Variants in PCDHA2 observed in about 807,000 individuals in gnomAD.
The protein encoded by PCDHA2 is protocadherin alpha 2, also known as protocadherin alpha-2.
In PCDHA2, 58 loss-of-function variants were observed where a neutral mutation model predicts 66.0. That is an observed-to-expected ratio of 0.88 (90% confidence interval 0.71 to 1.09). The LOEUF (loss-of-function observed/expected upper bound fraction) is 1.09. Among genes scored for constraint, PCDHA2 ranks in the 50% least tolerant of loss-of-function variants. The pLI, the probability that PCDHA2 is intolerant of heterozygous loss-of-function variation, is 0.00. For missense variants in PCDHA2, 1,267 were observed against 1,242.3 expected, an observed-to-expected ratio of 1.02 and a Z score of -0.30; for synonymous variants, 634 against 554.0, an observed-to-expected ratio of 1.14 and a Z score of -2.03.
rs1762175672 is a variant in PCDHA2 at position 140,797,041 on chromosome 5, C to G, written c.2077C>G (p.Leu693Val). 6.2e-7 allele frequency: 1 copy of G among 1,613,740 alleles called. No homozygotes were observed. The highest frequency in any genetic ancestry group is 1.3e-5 in the African/African-American group (1 of 75,056). Residue 693 changes from leucine to valine, a missense_variant, in exon 1 of 4, where the codon CTG (leucine) becomes GTG (valine). By Grantham distance (32) the Leu-to-Val change is conservative. Transcript: ENST00000526136. ...GGGCGCCGCGGGCTCAGAGGCTACGCTGGTGGATGTCAACGTGTACCTGAT... is the reference window on the plus strand; with the variant it reads ...GGGCGCCGCGGGCTCAGAGGCTACGGTGGTGGATGTCAACGTGTACCTGAT... ...WVGAAGSEAT[L>V]VDVNVYLIIA... is the part of the protein sequence containing the mutation.
At chr5:140,808,028 T>C in intron 1 of PCDHA2, 1 of 1,614,030 alleles carries the variant, frequency 6.2e-7, no homozygotes, top group East Asian at 2.2e-5. Flanking sequence ...TGTTTATTCA[T>C]TCTCAAATGA....
At chr5:140,863,771 G>A (rs557463364) in intron 1 of PCDHA2, 111 of 240,518 alleles carry the variant, frequency 4.6e-4, no homozygotes, top group Non-Finnish European at 7.8e-4. Context: ...AGCCGAGGCG[G>A]GCGGATCACT....
At chr5:140,962,207 A>G (rs1364251526) in intron 1 of PCDHA2, among the ~76,000 whole-genome samples, 13 of 152,236 alleles carry the variant, frequency 8.5e-5, no homozygotes, top group Admixed American at 3.3e-4. Flanking sequence ...CTATCTCCTT[A>G]TTGATCTTGA....
At chr5:140,842,230 G>A in intron 1 of PCDHA2, 1 of 1,612,910 alleles carries the variant, frequency 6.2e-7, no homozygotes, top group Non-Finnish European at 8.5e-7. Context: ...GAGAAATAGT[G>A]ATTCGGGGTA....
intron 1 of PCDHA2, among the ~76,000 whole-genome samples, chr5:140,978,596 C>T (rs2096811689): frequency 6.6e-6 from 1 of 152,204 alleles, no homozygotes; most frequent in African/African-American, 2.4e-5. Context: ...CTTAATGGGG[C>T]ACTTGAGGGC....
chr5:140,921,129 C>T (rs998046424), intron 1 of PCDHA2, among the ~76,000 whole-genome samples: 1 of 139,232 alleles, frequency 7.2e-6, no homozygotes, highest in South Asian at 2.4e-4. Context: ...TACAGGTGCA[C>T]ACCACTACAC....
intron 1 of PCDHA2, chr5:140,862,517 T>C (rs962060354): frequency 3.9e-5 from 16 of 410,600 alleles, no homozygotes; most frequent in African/African-American, 2.9e-4. Flanking sequence ...GCTTTCATTG[T>C]TGGCCACAGC....
At chr5:140,972,917 C>T (rs1279060017) in intron 1 of PCDHA2, among the ~76,000 whole-genome samples, 1 of 152,074 alleles carries the variant, frequency 6.6e-6, no homozygotes, top group Non-Finnish European at 1.5e-5. Context: ...CCGCCTTGGC[C>T]TCCCAAAGTG....
chr5:140,842,707 G>A, intron 1 of PCDHA2: 1 of 1,595,290 alleles, frequency 6.3e-7, no homozygotes, highest in Non-Finnish European at 8.6e-7. Context: ...AGTACACGGT[G>A]TTCGTGAAGG....
chr5:140,933,050 C>T (rs2088825990), intron 1 of PCDHA2, among the ~76,000 whole-genome samples: 1 of 152,018 alleles, frequency 6.6e-6, no homozygotes, highest in Admixed American at 6.5e-5. Context: ...GGATTACAGT[C>T]CAGGATCCTG....
intron 1 of PCDHA2, chr5:140,842,147 G>A: frequency 6.2e-7 from 1 of 1,613,842 alleles, no homozygotes; most frequent in Non-Finnish European, 8.5e-7. Flanking sequence ...AGCCAATGGG[G>A]CAATTTCATA....
intron 1 of PCDHA2, among the ~76,000 whole-genome samples, chr5:140,921,683 C>T (rs1554200360): frequency 6.6e-6 from 1 of 152,154 alleles, no homozygotes; most frequent in East Asian, 1.9e-4. Flanking sequence ...TCATCAAACA[C>T]TGGCCACCTC....
At chr5:140,927,946 G>T (rs1341193072) in intron 1 of PCDHA2, 1 of 1,614,096 alleles carries the variant, frequency 6.2e-7, no homozygotes, top group African/African-American at 1.3e-5. Context: ...AGTACCTGAG[G>T]ACGCTGCCCC....
In PCDHA2 at chr5:141,011,512, G is replaced by A. The variant is rs561564688; in HGVS notation, c.*1575G>A. On this transcript the variant is annotated 3_prime_UTR_variant, in exon 4 of 4. Coordinates refer to ENST00000526136, the MANE Select transcript of PCDHA2 (RefSeq NM_018905.3). ...TGTACACCTGTGAAAAAGTGGAGTAGTGTTTTTTTAACCATTGTTAATCAG... is the reference window on the plus strand; with the variant it reads ...TGTACACCTGTGAAAAAGTGGAGTAATGTTTTTTTAACCATTGTTAATCAG... 9 of 153,844 alleles carry A rather than the reference G, an allele frequency of 5.9e-5. No homozygotes were observed. Among genetic ancestry groups the A allele is most frequent in the African/African-American group, 2.2e-4 (9 of 41,570 alleles). 9.5% of individuals were successfully genotyped at this position (153,844 alleles called of 1,614,324 possible).
intron 1 of PCDHA2, among the ~76,000 whole-genome samples, chr5:140,951,356 C>T (rs1362153667): frequency 6.6e-6 from 1 of 151,998 alleles, no homozygotes; most frequent in African/African-American, 2.4e-5. Flanking sequence ...CATTATTGCA[C>T]TGTTATAAAG....
intron 1 of PCDHA2, among the ~76,000 whole-genome samples, chr5:140,846,371 TTC>T (rs140960073): frequency 0.32 from 35,391 of 108,896 alleles, 6,884 homozygotes; most frequent in South Asian, 0.47. Context: ...TTTTCTTTCT[TTC>T]TTTTTTTTTT....
chr5:140,922,647 A>G (rs568444047), intron 1 of PCDHA2, among the ~76,000 whole-genome samples: 35 of 152,262 alleles, frequency 2.3e-4, no homozygotes, highest in Non-Finnish European at 4.6e-4. Context: ...ATCAAACAGT[A>G]AATATGGCTA....
chr5:140,800,292 A>G (rs1385831275), intron 1 of PCDHA2, among the ~76,000 whole-genome samples: 1 of 152,144 alleles, frequency 6.6e-6, no homozygotes, highest in Non-Finnish European at 1.5e-5. Context: ...TAAAGGACCG[A>G]CTTCTGAAAT....
intron 1 of PCDHA2, chr5:140,862,642 G>A: frequency 1.8e-6 from 1 of 540,964 alleles, no homozygotes; most frequent in South Asian, 1.4e-5. Context: ...CGACTTCACA[G>A]TGTCCGCGCG....
Sources: gnomAD v4.1 joint callset for allele counts (sites outside exome capture counted in the v4.1 genomes callset) on GRCh38, gnomAD v4.1.1 for gene constraint, MANE v1.5 for transcripts, NCBI Gene and HGNC (gene_info 2026-07-23, HGNC 2026-07-21) for gene names.